PROSER1: variants seen among roughly 807,000 people sequenced by gnomAD.
PROSER1 encodes the protein proline and serine rich 1.
In PROSER1, 36 loss-of-function variants were observed where a neutral mutation model predicts 71.8. The ratio of observed to expected loss-of-function variants is 0.50; its 90% confidence interval spans 0.38 to 0.66. The LOEUF (loss-of-function observed/expected upper bound fraction) is 0.66. Ranked by LOEUF, PROSER1 falls within the 30% of genes least tolerant of loss-of-function variation. PROSER1 has a pLI of 0.00. For missense variants in PROSER1, 1,107 were observed against 1,135.0 expected (o/e 0.98, Z 0.35); for synonymous variants, 490 against 452.4 (o/e 1.08, Z -1.06).
In PROSER1 at chr13:39,024,561, T is replaced by TAA. The variant is rs67984592; in HGVS notation, c.481-7_481-6dup. On this transcript the variant is annotated splice_region_variant and splice_polypyrimidine_tract_variant and intron_variant, in intron 6 of 12. Transcript: ENST00000352251. Reference sequence around the variant, plus strand: ...ATCTTTTTTCAAAGGAGTTCCCTATTAAAAAAAAAAAAAAAAGGTAATTGA... The same window carrying TAA: ...ATCTTTTTTCAAAGGAGTTCCCTATTAAAAAAAAAAAAAAAAAAGGTAATTGA... The TAA allele has an allele frequency of 3.7e-3, 4,610 of 1,260,358 alleles. No individual in the cohort carries two copies. Among genetic ancestry groups the TAA allele is most frequent in the South Asian group, 9.0e-3 (619 of 68,520 alleles). The allele number at this position is 1,260,358 out of a possible 1,614,324, so 78.1% of individuals were successfully genotyped here. A position where few individuals can be genotyped will look rare whatever the true frequency, so the allele number is the denominator to read the frequency against.
chr13:39,012,853 G>C lies in PROSER1; in HGVS notation c.2399C>G (p.Thr800Ser). 6.2e-7 allele frequency: 1 copy of C among 1,614,218 alleles called. No homozygotes were observed. The highest frequency in any genetic ancestry group is 1.1e-5 in the South Asian group (1 of 91,086). Residue 800 changes from threonine (T) to serine (S), a missense_variant, in exon 11 of 13, where the codon ACC (threonine) becomes AGC (serine). Physicochemically the swap from Thr to Ser is moderately conservative, Grantham distance 58. Transcript: ENST00000352251. ...GFSVSNTPSV[T>S]PALPSFPGLQ... Reference sequence around the variant, plus strand: ...CCCCGGGAATGAGGGAAGAGCAGGGGTAACGCTTGGGGTATTAGAGACAGA... The same window carrying C: ...CCCCGGGAATGAGGGAAGAGCAGGGCTAACGCTTGGGGTATTAGAGACAGA...
intron 3 of PROSER1, among the ~76,000 whole-genome samples, chr13:39,030,256 T>C (rs191240912): frequency 6.6e-6 from 1 of 152,340 alleles, no homozygotes; most frequent in African/African-American, 2.4e-5. Flanking sequence ...TGAAAGAACT[T>C]TGAAACTACT....
At chr13:39,020,645 T>C (rs1870245941) in intron 9 of PROSER1, among the ~76,000 whole-genome samples, 1 of 152,096 alleles carries the variant, frequency 6.6e-6, no homozygotes, top group African/African-American at 2.4e-5. Context: ...CAAACAAAAA[T>C]GTAAGCTAAA....
Position 39,013,540 on chromosome 13 carries a change from A to G in PROSER1, c.1712T>C (p.Val571Ala), listed in dbSNP as rs3751379. The G allele has an allele frequency of 0.17, 277,301 of 1,613,894 alleles. 27,645 individuals carry two copies. The highest frequency in any genetic ancestry group is 0.44 in the African/African-American group (32,718 of 74,912). ...GGCTGAGGAGCCACAGCTAACTGGC[A>G]CTGACGTGGAAGCTGATGCAGCAGT... ...LATAASASTS[V>A]PVSCGSSASL... is the part of the protein sequence containing the mutation. Residue 571 changes from valine (V) to alanine (A), a missense_variant, in exon 11 of 13, where the codon GTG becomes GCG. Val to Ala is a moderately conservative substitution (Grantham distance 64, BLOSUM62 0). Transcript: ENST00000352251.
At chr13:39,033,481 G>A (rs908333744) in intron 2 of PROSER1, among the ~76,000 whole-genome samples, 3 of 152,118 alleles carry the variant, frequency 2.0e-5, no homozygotes, top group Non-Finnish European at 4.4e-5. Context: ...CTTTCCCCAA[G>A]CTGTTCTCCA....
intron 1 of PROSER1, among the ~76,000 whole-genome samples, chr13:39,036,730 G>T (rs780832625): frequency 3.3e-5 from 5 of 152,162 alleles, no homozygotes; most frequent in Middle Eastern, 3.4e-3. Flanking sequence ...TTACCATCAG[G>T]ACACGAATTT....
chr13:39,014,842 GAGTC>G (rs1869932036), intron 10 of PROSER1, among the ~76,000 whole-genome samples: 2 of 152,224 alleles, frequency 1.3e-5, no homozygotes, highest in Middle Eastern at 3.4e-3. Context: ...TACTTATCTA[GAGTC>G]AGTCAGTCCC....
At position 39,013,941 on chromosome 13, in the gene PROSER1, T is replaced by C. The variant is rs1284564943; in HGVS notation, c.1311A>G (p.Pro437=). The change falls in exon 11 of 13, where the codon CCA becomes CCG. Residue 437 remains proline (P), a synonymous_variant. Transcript: ENST00000352251. ...GGTTGGATAGGCCTTGGGATGTTGG[T>C]GGTAAGGGCAAAGGGAGCCCTGCAA... ...SVFAGLPLPL[P]PTSQGLSNPT... 1.9e-6 allele frequency: 3 copies of C among 1,613,968 alleles called. No individual in the cohort carries two copies. Among genetic ancestry groups the C allele is most frequent in the Non-Finnish European group, 2.5e-6 (3 of 1,179,986 alleles).
chr13:39,031,078 C>T (rs974862096), intron 3 of PROSER1, among the ~76,000 whole-genome samples: 129 of 152,224 alleles, frequency 8.5e-4, no homozygotes, highest in African/African-American at 3.0e-3. Context: ...CTGTGCTATC[C>T]ATATAGTAGC....
At chr13:39,024,207 T>C (rs558452812) in intron 7 of PROSER1, among the ~76,000 whole-genome samples, 1 of 152,262 alleles carries the variant, frequency 6.6e-6, no homozygotes, top group South Asian at 2.1e-4. Flanking sequence ...ACACTCCGTA[T>C]CTCCAACTGA....
At chr13:39,034,063 G>GC (rs1870981740) in intron 2 of PROSER1, 68 bp downstream of exon 2, 1 of 1,129,004 alleles carries the variant, frequency 8.9e-7, no homozygotes, top group East Asian at 2.7e-5. Flanking sequence ...AATTCGGCCA[G>GC]CAGACAGACA....
chr13:39,035,921 C>G (rs945353712), intron 1 of PROSER1, among the ~76,000 whole-genome samples: 1 of 152,334 alleles, frequency 6.6e-6, no homozygotes, highest in Admixed American at 6.5e-5. Context: ...ACCAGAAATA[C>G]AGACTTAAGT....
chr13:39,019,616 A>T (rs909520092), intron 9 of PROSER1, among the ~76,000 whole-genome samples: 2 of 151,792 alleles, frequency 1.3e-5, no homozygotes, highest in African/African-American at 4.8e-5. Context: ...TAAGAATAAG[A>T]AGGTAATCAT....
Position 39,013,435 on chromosome 13 carries a change from A to C in PROSER1, c.1817T>G (p.Met606Arg), listed in dbSNP as rs202015661. The C allele has an allele frequency of 6.2e-7, 1 of 1,614,152 alleles. No homozygotes were observed. Among genetic ancestry groups the C allele is most frequent in the Non-Finnish European group, 8.5e-7 (1 of 1,180,040 alleles). ...STPAATTLPV[M>R]IKTEPTSPTP... ...AGGACTTGTGGGCTCAGTTTTGATC[A>C]TAACAGGAAGAGTTGTTGCAGCAGG... Residue 606 changes from methionine (M) to arginine (R), a missense_variant, in exon 11 of 13, where the codon ATG becomes AGG. Transcript: ENST00000352251.
At chr13:39,037,050 T>C (rs952091715) in intron 1 of PROSER1, 148 bp downstream of exon 1, 4 of 643,058 alleles carry the variant, frequency 6.2e-6, no homozygotes, top group Admixed American at 2.6e-5. Flanking sequence ...CGTATCAAGA[T>C]ATAAACTCCT....
At chr13:39,033,967 A>T (rs527358789) in intron 2 of PROSER1, among the ~76,000 whole-genome samples, 164 bp downstream of exon 2, 16 of 152,190 alleles carry the variant, frequency 1.1e-4, no homozygotes, top group Non-Finnish European at 1.5e-4. Flanking sequence ...TAGTCCCTGA[A>T]TTATAAATTC....
chr13:39,010,951 CT>C lies in PROSER1; in HGVS notation c.*413del, dbSNP rs879006708. 10 of 171,804 alleles carry C rather than the reference CT, an allele frequency of 5.8e-5. No individual in the cohort carries two copies. In the South Asian group the frequency reaches 1.4e-3, roughly 25 times the overall value. The allele number at this position is 171,804 out of a possible 1,614,324, so 10.6% of individuals were successfully genotyped here. A position where few individuals can be genotyped will look rare whatever the true frequency, so the allele number is the denominator to read the frequency against. On this transcript the variant is annotated 3_prime_UTR_variant, in exon 13 of 13. Coordinates refer to ENST00000352251, the MANE Select transcript of PROSER1 (RefSeq NM_025138.5). ...CGCTCATGCATACCAAGGGTAGTAACTCCCCCAGGGCCACATGCAACCCCCA... is the reference window on the plus strand; with the variant it reads ...CGCTCATGCATACCAAGGGTAGTAACCCCCCAGGGCCACATGCAACCCCCA...
chr13:39,025,541 A>T (rs1001530609), intron 6 of PROSER1, among the ~76,000 whole-genome samples: 15 of 152,176 alleles, frequency 9.9e-5, no homozygotes, highest in Admixed American at 9.8e-4. Context: ...TCATGAGGAC[A>T]TTCAAGCAGC....
chr13:39,035,636 C>T (rs1020320294), intron 1 of PROSER1, among the ~76,000 whole-genome samples: 2 of 152,018 alleles, frequency 1.3e-5, no homozygotes, highest in Admixed American at 1.3e-4. Flanking sequence ...CTTTCTACTC[C>T]CTTTCCCAGT....
Sources: allele counts gnomAD v4.1 joint callset (sites outside exome capture counted in the v4.1 genomes callset), GRCh38; gene constraint gnomAD v4.1.1; transcripts MANE v1.5; gene names NCBI Gene and HGNC (gene_info 2026-07-23, HGNC 2026-07-21).